RERE: variants seen among roughly 807,000 people sequenced by gnomAD.
RERE encodes the protein arginine-glutamic acid dipeptide repeats.
Under a neutral mutation model 146.1 loss-of-function variants are expected in RERE, and 40 were observed. That is an observed-to-expected ratio of 0.27 (90% confidence interval 0.21 to 0.36). The LOEUF is 0.36. Ranked by LOEUF, RERE falls within the 10% of genes least tolerant of loss-of-function variation. The pLI is 1.00. For missense variants in RERE, 1,933 were observed against 2,138.7 expected (o/e 0.90, Z 1.90); for synonymous variants, 1,003 against 866.0 (o/e 1.16, Z -2.78).
At chr1:8,447,140 C>G (rs1644332759) in intron 11 of RERE, among the ~76,000 whole-genome samples, 1 of 151,258 alleles carries the variant, frequency 6.6e-6, no homozygotes, top group African/African-American at 2.4e-5. Context: ...TTTTCAGCTC[C>G]ATCAGATCAT....
At chr1:8,443,476 A>AAG (rs1553167401) in intron 11 of RERE, among the ~76,000 whole-genome samples, 23 of 151,194 alleles carry the variant, frequency 1.5e-4, no homozygotes, top group African/African-American at 5.1e-4. Flanking sequence ...AAAAAAAAAA[A>AAG]AAAGAAAGAA....
intron 1 of RERE, among the ~76,000 whole-genome samples, chr1:8,782,298 T>C (rs1040746698): frequency 2.6e-5 from 4 of 152,132 alleles, no homozygotes; most frequent in African/African-American, 7.2e-5. Flanking sequence ...CAGGATGCCA[T>C]ATAATATAGT....
chr1:8,503,645 AT>A (rs1157451284), intron 8 of RERE, among the ~76,000 whole-genome samples: 1 of 152,222 alleles, frequency 6.6e-6, no homozygotes, highest in Non-Finnish European at 1.5e-5. Context: ...TTATGTTATT[AT>A]TTATCTAAGA....
At chr1:8,610,542 C>T (rs1236561472) in intron 4 of RERE, among the ~76,000 whole-genome samples, 1 of 151,792 alleles carries the variant, frequency 6.6e-6, no homozygotes, top group Non-Finnish European at 1.5e-5. Flanking sequence ...GAGCCAAGAC[C>T]GCACCATTGC....
intron 4 of RERE, among the ~76,000 whole-genome samples, chr1:8,607,534 C>CTTTTTTCTTTTTTTTTT (rs1646733411): frequency 4.1e-5 from 2 of 48,584 alleles, no homozygotes; most frequent in African/African-American, 1.7e-4. Context: ...ATATATATTT[C>CTTTTTTCTTTTTTTTTT]TTTTTTTTTT....
intron 12 of RERE, among the ~76,000 whole-genome samples, chr1:8,379,480 C>T (rs1284054602): frequency 6.6e-6 from 1 of 152,156 alleles, no homozygotes; most frequent in Non-Finnish European, 1.5e-5. Context: ...ACACACACAA[C>T]GGGAACCACC....
chr1:8,530,883 G>A (rs1246627961), intron 7 of RERE, among the ~76,000 whole-genome samples: 1 of 150,462 alleles, frequency 6.6e-6, no homozygotes, highest in African/African-American at 2.4e-5. Flanking sequence ...AGTAGAGACG[G>A]GGTTTCACCT....
intron 12 of RERE, among the ~76,000 whole-genome samples, chr1:8,397,658 C>T (rs1205271081): frequency 6.6e-6 from 1 of 151,954 alleles, no homozygotes; most frequent in African/African-American, 2.4e-5. Flanking sequence ...AGTTTTATTT[C>T]CTGCTGGCTT....
rs1645606495 is a variant in RERE at position 8,529,148 on chromosome 1, T to C, written c.830+12066A>G. Reference sequence around the variant, plus strand: ...AACAACTGGTGAATTGAGTAAAAGATATATGGAGGTTCTTTCTTGTACTAG... The same window carrying C: ...AACAACTGGTGAATTGAGTAAAAGACATATGGAGGTTCTTTCTTGTACTAG... On this transcript the variant is annotated intron_variant, in intron 7 of 22. Transcript: ENST00000400908. Among the ~76,000 whole-genome samples the C allele has an allele frequency of 2.0e-5, 3 of 152,144 alleles. No individual in the cohort carries two copies. In the South Asian group the frequency reaches 6.2e-4, roughly 32 times the overall value.
intron 11 of RERE, among the ~76,000 whole-genome samples, chr1:8,464,346 T>A (rs965396323): frequency 3.0e-4 from 46 of 152,130 alleles, no homozygotes; most frequent in African/African-American, 1.1e-3. Context: ...TTCTCTTTTC[T>A]CTACCTTCAA....
chr1:8,706,305 A>G (rs1436194917), intron 1 of RERE, among the ~76,000 whole-genome samples: 1 of 152,072 alleles, frequency 6.6e-6, no homozygotes, highest in East Asian at 1.9e-4. Flanking sequence ...AGAAAAATAA[A>G]AAGTCTAGTA....
chr1:8,711,424 C>T (rs1280609655), intron 1 of RERE, among the ~76,000 whole-genome samples: 1 of 152,224 alleles, frequency 6.6e-6, no homozygotes, highest in South Asian at 2.1e-4. Flanking sequence ...AGACAGAGAG[C>T]AAGACCTCTT....
chr1:8,424,417 T>C (rs1643977928), intron 11 of RERE, among the ~76,000 whole-genome samples: 1 of 152,222 alleles, frequency 6.6e-6, no homozygotes, highest in African/African-American at 2.4e-5. Flanking sequence ...CCTACTCCAG[T>C]AGTGGAGGCT....
intron 12 of RERE, among the ~76,000 whole-genome samples, chr1:8,407,898 C>T (rs890497920): frequency 2.6e-5 from 4 of 152,294 alleles, no homozygotes; most frequent in Non-Finnish European, 5.9e-5. Context: ...GGCAGAAACC[C>T]TAGAGAGGTC....
intron 1 of RERE, among the ~76,000 whole-genome samples, chr1:8,689,956 C>T (rs1340025892): frequency 1.3e-5 from 2 of 152,162 alleles, no homozygotes; most frequent in Non-Finnish European, 2.9e-5. Context: ...CCAGTAAAGG[C>T]TGTTCAGTAG....
intron 1 of RERE, among the ~76,000 whole-genome samples, chr1:8,804,591 C>T (rs964318361): frequency 3.9e-5 from 6 of 152,170 alleles, no homozygotes; most frequent in Non-Finnish European, 8.8e-5. Flanking sequence ...TTATGTGTGA[C>T]CTTGTGATTC....
chr1:8,617,290 C>G (rs1646864306), intron 3 of RERE, among the ~76,000 whole-genome samples: 1 of 131,788 alleles, frequency 7.6e-6, no homozygotes, highest in African/African-American at 2.8e-5. Context: ...CTGGAAAGAG[C>G]TGAGATCGTG....
chr1:8,401,190 G>A (rs576699009), intron 12 of RERE, among the ~76,000 whole-genome samples: 1 of 151,222 alleles, frequency 6.6e-6, no homozygotes, highest in African/African-American at 2.4e-5. Flanking sequence ...TGAATTTTAT[G>A]CAACTATGAA....
At chr1:8,622,852 G>C (rs1054173044) in intron 3 of RERE, among the ~76,000 whole-genome samples, 2 of 152,040 alleles carry the variant, frequency 1.3e-5, no homozygotes, top group African/African-American at 4.8e-5. Context: ...CAAAGGAGAT[G>C]CAGAGAAAGA....
Sources: allele counts gnomAD v4.1 joint callset (sites outside exome capture counted in the v4.1 genomes callset), GRCh38; gene constraint gnomAD v4.1.1; transcripts MANE v1.5; gene names NCBI Gene and HGNC (gene_info 2026-07-23, HGNC 2026-07-21).